Variants in PLEKHA7 observed in about 807,000 individuals in gnomAD.
PLEKHA7 encodes pleckstrin homology domain containing A7, also known as pleckstrin homology domain-containing family A member 7.
Under a neutral mutation model 170.0 loss-of-function variants are expected in PLEKHA7, and 104 were observed. The observed-to-expected ratio is 0.61, with a 90% confidence interval of 0.52 to 0.72. PLEKHA7 has a LOEUF of 0.72. Ranked by LOEUF, PLEKHA7 falls within the 30% of genes least tolerant of loss-of-function variation. The probability of loss-of-function intolerance (pLI) is 0.00; values close to 1 mark genes in which losing one functional copy is unlikely to be tolerated. For missense variants in PLEKHA7, 1,615 were observed against 1,671.7 expected (o/e 0.97, Z 0.59); for synonymous variants, 648 against 660.8 (o/e 0.98, Z 0.30).
chr11:16,834,695 A>G (rs147646624), intron 9 of PLEKHA7, among the ~76,000 whole-genome samples: 16 of 152,338 alleles, frequency 1.1e-4, no homozygotes, highest in African/African-American at 3.8e-4. Context: ...TTAGAGAGGA[A>G]AAAACATCCT....
intron 3 of PLEKHA7, among the ~76,000 whole-genome samples, chr11:16,920,437 C>G (rs1354228590): frequency 2.6e-5 from 4 of 152,022 alleles, no homozygotes; most frequent in Non-Finnish European, 5.9e-5. Context: ...GTCCCCATTT[C>G]TAAACAAACA....
intron 13 of PLEKHA7, 50 bp from the exon 14 acceptor site, chr11:16,803,345 G>A (rs1425971600): frequency 3.2e-6 from 5 of 1,556,698 alleles, no homozygotes; most frequent in Non-Finnish European, 4.4e-6. Flanking sequence ...TTTGAGATCA[G>A]AACTCAGGAA....
intron 8 of PLEKHA7, 72 bp from the exon 9 acceptor site, chr11:16,841,794 G>C (rs1000183471): frequency 1.0e-5 from 15 of 1,468,994 alleles, no homozygotes; most frequent in Admixed American, 7.7e-5. Flanking sequence ...CAAAAGCAAG[G>C]AGGCACTATG....
intron 3 of PLEKHA7, among the ~76,000 whole-genome samples, chr11:17,000,940 G>C (rs1321756369): frequency 6.6e-6 from 1 of 152,174 alleles, no homozygotes; most frequent in African/African-American, 2.4e-5. Flanking sequence ...CAAGCTACTA[G>C]TGAAGGATTT....
rs961245016 is a variant in PLEKHA7 at position 16,791,978 on chromosome 11, CTT to C, written c.2746-781_2746-780del. Among the ~76,000 whole-genome samples, 2 of 152,188 alleles carry C rather than the reference CTT, an allele frequency of 1.3e-5. No homozygotes were observed. Among genetic ancestry groups the C allele is most frequent in the Non-Finnish European group, 2.9e-5 (2 of 68,032 alleles). On this transcript the variant is annotated intron_variant, in intron 19 of 26. Coordinates refer to ENST00000531066, the MANE Select transcript of PLEKHA7 (RefSeq NM_001329630.2). This position sits in a 1 kb window ranked among gnomAD's most constrained non-coding sequence, Gnocchi z 4.5. ...ATGCCTTCCACCTCCTAAATTCCCT[CTT>C]TCTCGGTCTAATTTGGTTTTGTTTT...
intron 3 of PLEKHA7, among the ~76,000 whole-genome samples, chr11:16,966,849 C>T (rs1862405905): frequency 6.6e-6 from 1 of 152,200 alleles, no homozygotes; most frequent in South Asian, 2.1e-4. Context: ...CACCTGGAGC[C>T]TGCCTGAATT....
intron 3 of PLEKHA7, among the ~76,000 whole-genome samples, chr11:16,902,401 C>T (rs1317533274): frequency 6.6e-6 from 1 of 152,194 alleles, no homozygotes; most frequent in African/African-American, 2.4e-5. Flanking sequence ...TACGTTTAAC[C>T]TTTTGAGAAC....
intron 3 of PLEKHA7, among the ~76,000 whole-genome samples, chr11:16,887,122 TCAGA>T (rs1172456884): frequency 1.3e-5 from 2 of 152,092 alleles, no homozygotes; most frequent in Admixed American, 1.3e-4. Context: ...TTTTTAAAAA[TCAGA>T]CAGAACTTCT....
intron 16 of PLEKHA7, 117 bp from the exon 17 acceptor site, chr11:16,801,192 G>A (rs186191943): frequency 3.3e-5 from 28 of 847,256 alleles, no homozygotes; most frequent in Admixed American, 1.9e-4. Context: ...GAAGGAGACC[G>A]GGCAGGCCTG....
At chr11:16,863,191 C>A (rs776667249) in intron 4 of PLEKHA7, among the ~76,000 whole-genome samples, 1 of 152,156 alleles carries the variant, frequency 6.6e-6, no homozygotes, top group African/African-American at 2.4e-5. Flanking sequence ...CTGCAACCTG[C>A]AAAATGAACC....
In PLEKHA7 at chr11:16,794,487, C is replaced by A. The variant is rs761213950; in HGVS notation, c.2745+1G>T. On this transcript the variant is annotated splice_donor_variant, in intron 19 of 26. Transcript: ENST00000531066. LOFTEE classifies it high-confidence loss of function. ...TTCAGCTCCTAGTTATCACTACTTA[C>A]AACTTTGGGCTTCGCCTTAGTTGGT... 1 of 1,612,558 alleles carries A rather than the reference C, an allele frequency of 6.2e-7. No homozygotes were observed. Among genetic ancestry groups the A allele is most frequent in the African/African-American group, 1.3e-5 (1 of 74,996 alleles).
At position 16,778,663 on chromosome 11, in the gene PLEKHA7, C is replaced by A; in HGVS notation, c.*335G>T. ...TCACCCAGAAGTACCTGAATCTGTA[C>A]GTGCAGCTGCAAAGTCCTGCATCCT... On this transcript the variant is annotated 3_prime_UTR_variant, in exon 27 of 27. Coordinates refer to ENST00000531066, the MANE Select transcript of PLEKHA7 (RefSeq NM_001329630.2). The A allele has an allele frequency of 2.7e-6, 1 of 368,912 alleles. No individual in the cohort carries two copies. The highest frequency in any genetic ancestry group is 5.1e-6 in the Non-Finnish European group (1 of 195,578). 22.9% of individuals were successfully genotyped at this position (368,912 alleles called of 1,614,324 possible).
At chr11:16,957,697 C>CTT (rs1169142909) in intron 3 of PLEKHA7, among the ~76,000 whole-genome samples, 288 of 87,262 alleles carry the variant, frequency 3.3e-3, no homozygotes, top group Middle Eastern at 8.5e-3. Context: ...TAATTTTTTT[C>CTT]TTTTTTTTTT....
chr11:16,943,589 T>C lies in PLEKHA7; in HGVS notation c.221+70400A>G, dbSNP rs7944295. On this transcript the variant is annotated intron_variant, in intron 3 of 26. Transcript: ENST00000531066. ...CCACAGGCTTCAAAGATAAATGCTA[T>C]ACTGGAGTGACTCTGATTAAGTCAT... Among the ~76,000 whole-genome samples, 1,190 of 152,324 alleles carry C rather than the reference T, an allele frequency of 7.8e-3. 18 individuals are homozygous for C. Among genetic ancestry groups the C allele is most frequent in the African/African-American group, 0.027 (1,126 of 41,564 alleles).
chr11:16,789,252 C>A lies in PLEKHA7; in HGVS notation c.3201G>T (p.Gln1067His). 1 of 1,613,768 alleles carries A rather than the reference C, an allele frequency of 6.2e-7. No homozygotes were observed. Among genetic ancestry groups the A allele is most frequent in the Non-Finnish European group, 8.5e-7 (1 of 1,180,048 alleles). The change falls in exon 23 of 27, where the codon CAG becomes CAT. Residue 1067 changes from glutamine (Q) to histidine (H), a missense_variant. Gln to His is a conservative substitution (Grantham distance 24). Transcript: ENST00000531066. The surrounding 1 kb of genome is among the most constrained non-coding windows in gnomAD (Gnocchi z 4.6). ...GCTCCTCTGCACTCATCTTGCCTCG[C>A]TGGTGATCCCCTGAGTACAGGCGCT... Reference protein sequence around the residue: ...ALERLYSGDHQRGKMSAEEQL... With the variant: ...ALERLYSGDHHRGKMSAEEQL...
intron 3 of PLEKHA7, among the ~76,000 whole-genome samples, chr11:16,965,553 C>CA (rs1210578771): frequency 6.6e-6 from 1 of 152,092 alleles, no homozygotes; most frequent in East Asian, 1.9e-4. Flanking sequence ...CATCTGTAGA[C>CA]AGAGATGCAA....
intron 3 of PLEKHA7, among the ~76,000 whole-genome samples, chr11:16,995,191 C>G (rs1353345557): frequency 6.6e-6 from 1 of 152,208 alleles, no homozygotes; most frequent in Non-Finnish European, 1.5e-5. Flanking sequence ...ACACCACAAG[C>G]TAGTCAGTGG....
chr11:16,932,457 T>A (rs949962472), intron 3 of PLEKHA7, among the ~76,000 whole-genome samples: 1 of 151,758 alleles, frequency 6.6e-6, no homozygotes, highest in Non-Finnish European at 1.5e-5. Context: ...AATTTTTCAA[T>A]TTTTTTTGGT....
chr11:17,013,956 A>G, intron 3 of PLEKHA7, 33 bp downstream of exon 3: 1 of 1,518,048 alleles, frequency 6.6e-7, no homozygotes, highest in Non-Finnish European at 8.8e-7. Flanking sequence ...CCCCCGCGGC[A>G]CAGGTGCGAG....
Sources: gnomAD v4.1 joint callset for allele counts (sites outside exome capture counted in the v4.1 genomes callset) on GRCh38, gnomAD v4.1.1 for gene constraint, Gnocchi (gnomAD v3.1) non-coding constraint, MANE v1.5 for transcripts, NCBI Gene and HGNC (gene_info 2026-07-23, HGNC 2026-07-21) for gene names.